EYS: variants seen among roughly 807,000 people sequenced by gnomAD.
The protein encoded by EYS is protein eyes shut homolog.
Under a neutral mutation model 282.1 loss-of-function variants are expected in EYS, and 250 were observed. The observed-to-expected ratio is 0.89, with a 90% CI of 0.80 to 0.98. The LOEUF (loss-of-function observed/expected upper bound fraction) is 0.98, where lower values mean the gene tolerates loss of function less well. Among genes scored for constraint, EYS ranks in the 50% least tolerant of loss-of-function variants. The pLI, the probability that EYS is intolerant of heterozygous loss-of-function variation, is 0.00. For synonymous variants in EYS, 1,355 were observed against 1,282.9 expected (o/e 1.06, Z -1.20); for missense variants, 4,016 against 3,709.0 (o/e 1.08, Z -2.15).
intron 33 of EYS, among the ~76,000 whole-genome samples, chr6:64,012,841 A>G (rs1406997777): frequency 6.6e-6 from 1 of 152,202 alleles, no homozygotes. Flanking sequence ...CAAAAGCAAT[A>G]TAAACACACT....
At chr6:65,158,068 T>C (rs1346780273) in intron 12 of EYS, among the ~76,000 whole-genome samples, 1 of 150,776 alleles carries the variant, frequency 6.6e-6, no homozygotes, top group Non-Finnish European at 1.5e-5. Context: ...TAACAATCTA[T>C]AGGGGTGGTA....
At chr6:63,963,152 T>C (rs949030585) in intron 35 of EYS, among the ~76,000 whole-genome samples, 2 of 151,600 alleles carry the variant, frequency 1.3e-5, no homozygotes, top group Admixed American at 6.6e-5. Context: ...AAGGATAGCA[T>C]TAGGAGATAT....
chr6:65,663,312 A>G (rs1231035817), intron 1 of EYS, among the ~76,000 whole-genome samples: 1 of 152,190 alleles, frequency 6.6e-6, no homozygotes, highest in Admixed American at 6.5e-5. Context: ...ATGGCACAGG[A>G]GTCAAACCCT....
intron 7 of EYS, among the ~76,000 whole-genome samples, chr6:65,391,560 C>T (rs1766032635): frequency 1.3e-5 from 2 of 152,060 alleles, no homozygotes; most frequent in South Asian, 4.1e-4. Context: ...TGGGTGAACT[C>T]CCATTCACAA....
intron 13 of EYS, among the ~76,000 whole-genome samples, chr6:65,013,972 A>G (rs1006747497): frequency 1.3e-5 from 2 of 152,202 alleles, no homozygotes; most frequent in African/African-American, 4.8e-5. Context: ...AAGTCCCAGA[A>G]TCATAAGGGA....
At chr6:63,832,411 A>G (rs1562048879) in intron 36 of EYS, among the ~76,000 whole-genome samples, 2 of 152,200 alleles carry the variant, frequency 1.3e-5, no homozygotes, top group African/African-American at 2.4e-5. Flanking sequence ...CAGAAATACA[A>G]ACTACCATCA....
intron 5 of EYS, among the ~76,000 whole-genome samples, chr6:65,450,282 A>G (rs1369914114): frequency 1.3e-5 from 2 of 152,168 alleles, no homozygotes; most frequent in Non-Finnish European, 2.9e-5. Flanking sequence ...TGCTTTCTAC[A>G]GAAAATCAGC....
At chr6:63,748,242 A>G (rs1769258598) in intron 41 of EYS, among the ~76,000 whole-genome samples, 1 of 152,174 alleles carries the variant, frequency 6.6e-6, no homozygotes, top group Non-Finnish European at 1.5e-5. Context: ...CTGAGACAGC[A>G]TGGTACTGGT....
intron 33 of EYS, among the ~76,000 whole-genome samples, chr6:64,028,242 T>C (rs1413283482): frequency 1.3e-5 from 2 of 152,194 alleles, no homozygotes; most frequent in Admixed American, 6.5e-5. Context: ...AAAAAATGCC[T>C]GCCCAGTCCA....
intron 19 of EYS, among the ~76,000 whole-genome samples, chr6:64,873,278 A>C (rs544920119): frequency 6.6e-6 from 1 of 152,216 alleles, no homozygotes; most frequent in East Asian, 1.9e-4. Context: ...ATTCACTATC[A>C]TGAGAACTGC....
chr6:65,339,699 G>C (rs1770127352), intron 10 of EYS, among the ~76,000 whole-genome samples: 1 of 151,078 alleles, frequency 6.6e-6, no homozygotes, highest in Admixed American at 6.6e-5. Flanking sequence ...AATGTGTCAA[G>C]CAGATTGAGT....
chr6:65,074,741 A>C (rs780922014), intron 12 of EYS, among the ~76,000 whole-genome samples: 38 of 152,126 alleles, frequency 2.5e-4, no homozygotes, highest in Non-Finnish European at 4.9e-4. Context: ...TTTTGAAGAA[A>C]GTTTTAAATG....
intron 12 of EYS, among the ~76,000 whole-genome samples, chr6:65,285,511 T>C (rs1768338012): frequency 6.6e-6 from 1 of 151,986 alleles, no homozygotes; most frequent in African/African-American, 2.4e-5. Flanking sequence ...AGATTAGAAA[T>C]CTTTTAAGAA....
chr6:65,444,213 T>G (rs1768563929), intron 5 of EYS, among the ~76,000 whole-genome samples: 1 of 152,024 alleles, frequency 6.6e-6, no homozygotes, highest in Non-Finnish European at 1.5e-5. Context: ...AAAATATATA[T>G]TTTTACTAAT....
At chr6:65,296,730 A>T (rs537419030) in intron 11 of EYS, among the ~76,000 whole-genome samples, 1 of 151,892 alleles carries the variant, frequency 6.6e-6, no homozygotes, top group Admixed American at 6.6e-5. Flanking sequence ...ATACATTTTT[A>T]ATGAATTTGC....
intron 22 of EYS, among the ~76,000 whole-genome samples, chr6:64,676,349 T>TAGAGAGAGAG (rs201351765): frequency 8.3e-6 from 1 of 121,178 alleles, no homozygotes; most frequent in Non-Finnish European, 1.9e-5. Context: ...TATATATATA[T>TAGAGAGAGAG]ATAGAGAGAG....
At chr6:64,643,186 C>T (rs191529953) in intron 22 of EYS, among the ~76,000 whole-genome samples, 1 of 152,070 alleles carries the variant, frequency 6.6e-6, no homozygotes, top group East Asian at 1.9e-4. Flanking sequence ...CAAATGCACC[C>T]ACTTCCTTTC....
In EYS at chr6:65,471,232, A is replaced by AG. The variant is rs1207186192; in HGVS notation, c.862+19361_862+19362insC. ...ACATAGTGAGACCTCATCTTTACAA[A>AG]AAAAAAAAAAAAAAAAAATTGTCAG... On this transcript the variant is annotated intron_variant, in intron 5 of 42. Coordinates refer to ENST00000503581, the MANE Select transcript of EYS (RefSeq NM_001142800.2). 5.8e-5 allele frequency among the ~76,000 whole-genome samples: 8 copies of AG among 137,908 alleles called. No individual in the cohort carries two copies. In the South Asian group the frequency reaches 1.3e-3, roughly 22 times the overall value. The allele number at this position is 137,908 out of a possible 152,430, so 90.5% of individuals were successfully genotyped here. A position where few individuals can be genotyped will look rare whatever the true frequency, so the allele number is the denominator to read the frequency against.
chr6:64,725,206 G>A (rs987042541), intron 22 of EYS, among the ~76,000 whole-genome samples: 10 of 152,056 alleles, frequency 6.6e-5, no homozygotes, highest in African/African-American at 2.4e-4. Flanking sequence ...TTTGGACCAC[G>A]ATGTTCTTGA....
Sources: gnomAD v4.1 joint callset for allele counts (sites outside exome capture counted in the v4.1 genomes callset) on GRCh38, gnomAD v4.1.1 for gene constraint, MANE v1.5 for transcripts, NCBI Gene and HGNC (gene_info 2026-07-23, HGNC 2026-07-21) for gene names.